SEPTIN10: variants seen among roughly 807,000 people sequenced by gnomAD.
SEPTIN10 encodes the protein septin 10, also known as septin-10.
Under a neutral mutation model 54.8 loss-of-function variants are expected in SEPTIN10, and 66 were observed. The observed-to-expected ratio is 1.21, with a 90% CI of 0.99 to 1.48. The LOEUF is 1.48. Among genes scored for constraint, SEPTIN10 ranks in the 40% most tolerant of loss-of-function variants. SEPTIN10 has a pLI of 0.00. For synonymous variants in SEPTIN10, 161 were observed against 181.0 expected, an observed-to-expected ratio of 0.89 and a Z score of 0.89; for missense variants, 620 against 545.6, an observed-to-expected ratio of 1.14 and a Z score of -1.36.
intron 9 of SEPTIN10, among the ~76,000 whole-genome samples, chr2:109,548,329 AAC>A (rs1207202033): frequency 2.6e-5 from 4 of 152,212 alleles, no homozygotes; most frequent in Non-Finnish European, 4.4e-5. Context: ...ATCTGACATT[AAC>A]ATTTTAGTTC....
intron 4 of SEPTIN10, among the ~76,000 whole-genome samples, chr2:109,579,384 C>T (rs1690537098): frequency 6.6e-6 from 1 of 150,920 alleles, no homozygotes; most frequent in Non-Finnish European, 1.5e-5. Context: ...TCCAGGCCCT[C>T]CTTTTTTTTT....
chr2:109,557,870 A>G (rs2104944504), intron 8 of SEPTIN10, among the ~76,000 whole-genome samples: 2 of 140,786 alleles, frequency 1.4e-5, no homozygotes, highest in Non-Finnish European at 3.1e-5. Context: ...TTTTTTTGAG[A>G]CGGGGTCTCA....
intron 5 of SEPTIN10, among the ~76,000 whole-genome samples, chr2:109,571,503 T>A (rs1056046710): frequency 6.6e-6 from 1 of 152,206 alleles, no homozygotes; most frequent in Non-Finnish European, 1.5e-5. Flanking sequence ...TAAGTGTGTG[T>A]ATGTAGGCAA....
At chr2:109,562,635 C>A (rs958655246) in intron 8 of SEPTIN10, among the ~76,000 whole-genome samples, 1 of 152,226 alleles carries the variant, frequency 6.6e-6, no homozygotes, top group East Asian at 1.9e-4. Flanking sequence ...GACACCTAGG[C>A]CTGTCTCCTC....
At chr2:109,590,253 T>C (rs956109282) in intron 2 of SEPTIN10, among the ~76,000 whole-genome samples, 4 of 151,926 alleles carry the variant, frequency 2.6e-5, no homozygotes, top group African/African-American at 7.3e-5. Context: ...AATTCTCAGA[T>C]GGTCGCTAAC....
intron 10 of SEPTIN10, chr2:109,545,438 C>CT: frequency 6.5e-7 from 1 of 1,536,140 alleles, no homozygotes; most frequent in Non-Finnish European, 8.7e-7. Context: ...TGGCTGCCCC[C>CT]TTGCACTGTG....
chr2:109,607,116 A>G (rs1195492933), intron 1 of SEPTIN10, among the ~76,000 whole-genome samples: 1 of 152,194 alleles, frequency 6.6e-6, no homozygotes, highest in Non-Finnish European at 1.5e-5. Context: ...ATTTAGCTCA[A>G]TATTGAGCTT....
intron 2 of SEPTIN10, among the ~76,000 whole-genome samples, chr2:109,588,966 A>AG (rs1369640166): frequency 6.6e-6 from 1 of 152,116 alleles, no homozygotes; most frequent in Admixed American, 6.6e-5. Context: ...AGAAAATGAA[A>AG]GGACAATGGC....
At chr2:109,551,390 T>C (rs556532837) in intron 9 of SEPTIN10, among the ~76,000 whole-genome samples, 1 of 152,360 alleles carries the variant, frequency 6.6e-6, no homozygotes, top group African/African-American at 2.4e-5. Flanking sequence ...TCATGCTATA[T>C]GAGAAACTCT....
At chr2:109,563,347 TA>T (rs370984069) in intron 8 of SEPTIN10, among the ~76,000 whole-genome samples, 318 of 152,358 alleles carry the variant, frequency 2.1e-3, no homozygotes, top group African/African-American at 6.7e-3. Flanking sequence ...ACAGCGGCAC[TA>T]ATTTGATGCA....
At chr2:109,586,867 G>C (rs1021112254) in intron 2 of SEPTIN10, among the ~76,000 whole-genome samples, 21 of 152,124 alleles carry the variant, frequency 1.4e-4, no homozygotes, top group Non-Finnish European at 1.0e-4. Context: ...CTGTAACAAG[G>C]CTCAACATGA....
intron 2 of SEPTIN10, among the ~76,000 whole-genome samples, chr2:109,587,861 T>C (rs538339107): frequency 1.3e-3 from 200 of 151,218 alleles, no homozygotes; most frequent in African/African-American, 4.7e-3. Context: ...TGCAGTGAGC[T>C]GAGATCGCAC....
At chr2:109,585,928 C>T (rs1692428502) in intron 2 of SEPTIN10, 90 bp from the exon 3 acceptor site, 1 of 862,498 alleles carries the variant, frequency 1.2e-6, no homozygotes. Context: ...ACAAATATAT[C>T]AAATAAATGA....
At chr2:109,550,586 T>C (rs540287199) in intron 9 of SEPTIN10, among the ~76,000 whole-genome samples, 7 of 152,232 alleles carry the variant, frequency 4.6e-5, no homozygotes, top group African/African-American at 1.7e-4. Flanking sequence ...AGTGCTAGGA[T>C]TGCAGGCGTG....
chr2:109,553,387 T>TA (rs1683529109), intron 8 of SEPTIN10, among the ~76,000 whole-genome samples, 168 bp from the exon 9 acceptor site: 1 of 139,614 alleles, frequency 7.2e-6, no homozygotes, highest in African/African-American at 2.7e-5. Context: ...TCTACAAAAA[T>TA]AAAAAAATTA....
chr2:109,611,010 A>C (rs1699144679), intron 1 of SEPTIN10, among the ~76,000 whole-genome samples: 1 of 152,194 alleles, frequency 6.6e-6, no homozygotes, highest in Non-Finnish European at 1.5e-5. Flanking sequence ...CGGAGAACCC[A>C]GAAACAGACT....
intron 2 of SEPTIN10, among the ~76,000 whole-genome samples, chr2:109,590,099 T>C (rs921204481): frequency 2.7e-5 from 4 of 146,484 alleles, no homozygotes; most frequent in Non-Finnish European, 4.5e-5. Flanking sequence ...TATACACACA[T>C]ATATATGTAT....
intron 2 of SEPTIN10, among the ~76,000 whole-genome samples, chr2:109,588,783 G>A (rs1038464527): frequency 2.7e-5 from 4 of 149,698 alleles, no homozygotes; most frequent in African/African-American, 9.8e-5. Context: ...GAGCCACCAT[G>A]CCAGGCTAAA....
Position 109,585,141 on chromosome 2 carries a change from AT to A in SEPTIN10, c.397del (p.Ile133Ter). On this transcript the variant is annotated frameshift_variant, in exon 4 of 11. Coordinates refer to ENST00000397712, the MANE Select transcript of SEPTIN10 (RefSeq NM_144710.5). LOFTEE classifies it high-confidence loss of function. ...IVNTVGFGDQINKEESYQPIV... is the reference protein window; with the variant it reads ...IVNTVGFGDQXNKEESYQPIV... ...AAACACATACCTCTCTTCTTTATTTATTTGGTCACCAAATCCCACTGTATTC... is the reference window on the plus strand; with the variant it reads ...AAACACATACCTCTCTTCTTTATTTATTGGTCACCAAATCCCACTGTATTC... The A allele has an allele frequency of 6.3e-7, 1 of 1,577,716 alleles. No homozygotes were observed. Among genetic ancestry groups the A allele is most frequent in the East Asian group, 2.3e-5 (1 of 44,118 alleles).
Sources: allele counts gnomAD v4.1 joint callset (sites outside exome capture counted in the v4.1 genomes callset), GRCh38; gene constraint gnomAD v4.1.1; transcripts MANE v1.5; gene names NCBI Gene and HGNC (gene_info 2026-07-23, HGNC 2026-07-21).